The following MTHFD1L variants were observed in gnomAD, a reference collection of about 807,000 sequenced individuals.
MTHFD1L encodes monofunctional C1-tetrahydrofolate synthase, mitochondrial.
MTHFD1L carries 81 observed loss-of-function variants against 119.5 expected under a neutral mutation model. The ratio of observed to expected loss-of-function variants is 0.68; its 90% CI spans 0.57 to 0.82. The LOEUF is 0.82. MTHFD1L is among the 40% of genes least tolerant of loss of function. The pLI is 0.00. For missense variants in MTHFD1L, 1,125 were observed against 1,253.4 expected, an observed-to-expected ratio of 0.90 and a Z score of 1.55; for synonymous variants, 430 against 475.2, an observed-to-expected ratio of 0.90 and a Z score of 1.24.
intron 26 of MTHFD1L, among the ~76,000 whole-genome samples, chr6:151,062,244 A>C (rs1434334633): frequency 6.6e-6 from 1 of 152,134 alleles, no homozygotes; most frequent in Non-Finnish European, 1.5e-5. Flanking sequence ...AGACCATTCT[A>C]GCTAATACGA....
intron 24 of MTHFD1L, among the ~76,000 whole-genome samples, chr6:151,024,319 C>T (rs1043361853): frequency 6.6e-6 from 1 of 152,064 alleles, no homozygotes; most frequent in Non-Finnish European, 1.5e-5. Context: ...GTAGGAGGAT[C>T]GCTAGAATCG....
rs544266118 is a variant in MTHFD1L at position 151,030,785 on chromosome 6, G to A, written c.2587-3708G>A. ...TAGGGAGGGCCTTGTATATATTCCA[G>A]GGGCTGTATCCTATCTTGCCTCTAG... is the stretch of plus-strand genomic sequence containing the variant. On this transcript the variant is annotated intron_variant, in intron 24 of 27. Transcript: ENST00000367321. 2.2e-3 allele frequency among the ~76,000 whole-genome samples: 331 copies of A among 152,310 alleles called. 2 individuals carry two copies. The highest frequency in any genetic ancestry group is 6.9e-3 in the African/African-American group (285 of 41,568).
At chr6:150,944,419 G>T in intron 13 of MTHFD1L, 67 bp from the exon 14 acceptor site, 1 of 1,226,384 alleles carries the variant, frequency 8.2e-7, no homozygotes, top group Non-Finnish European at 1.2e-6. Context: ...CTGCACTCCA[G>T]CCTGGGCAAC....
At position 151,034,479 on chromosome 6, in the gene MTHFD1L, T is replaced by G. The variant is rs1785829896; in HGVS notation, c.2587-14T>G. The G allele has an allele frequency of 6.5e-7, 1 of 1,529,474 alleles. No homozygotes were observed. Among genetic ancestry groups the G allele is most frequent in the Non-Finnish European group, 9.0e-7 (1 of 1,106,696 alleles). 94.7% of individuals were successfully genotyped at this position (1,529,474 alleles called of 1,614,324 possible). A position where few individuals can be genotyped will look rare whatever the true frequency, so the allele number is the denominator to read the frequency against. On this transcript the variant is annotated splice_polypyrimidine_tract_variant and intron_variant, in intron 24 of 27. Transcript: ENST00000367321. ...TAAACTTATACAATTTTGTTATAAT[T>G]TGTGTTTCTCCAGGTTCCAATTGTG...
intron 14 of MTHFD1L, among the ~76,000 whole-genome samples, chr6:150,945,004 C>A (rs943547881): frequency 6.6e-6 from 1 of 152,122 alleles, no homozygotes; most frequent in African/African-American, 2.4e-5. Flanking sequence ...TGTCAGAGAC[C>A]CTTATTGGGC....
intron 20 of MTHFD1L, among the ~76,000 whole-genome samples, chr6:150,998,214 G>A (rs1780097638): frequency 6.6e-6 from 1 of 151,954 alleles, no homozygotes; most frequent in Admixed American, 6.6e-5. Flanking sequence ...AAACTACTGG[G>A]ACTCTATCTT....
At chr6:151,076,683 A>G (rs1481958743) in intron 26 of MTHFD1L, among the ~76,000 whole-genome samples, 1 of 151,884 alleles carries the variant, frequency 6.6e-6, no homozygotes, top group Admixed American at 6.6e-5. Context: ...ACCATACCAA[A>G]TGTTGGCAAG....
At position 151,084,664 on chromosome 6, in the gene MTHFD1L, A is replaced by G. The variant is rs933643611; in HGVS notation, c.2848-7803A>G. 2.6e-5 allele frequency among the ~76,000 whole-genome samples: 4 copies of G among 152,134 alleles called. No homozygotes were observed. The South Asian group carries it at 6.2e-4, about 24-fold the overall frequency. On this transcript the variant is annotated intron_variant, in intron 26 of 27. Transcript: ENST00000367321. ...AACTATTCAATTTCTGTATATAACT[A>G]TAGAAATATATATTAGACGGGCCGG...
chr6:151,037,151 A>T, intron 26 of MTHFD1L, 34 bp downstream of exon 26: 1 of 1,610,174 alleles, frequency 6.2e-7, no homozygotes, highest in Non-Finnish European at 8.5e-7. Flanking sequence ...AACCCTCCCC[A>T]TTCTGCATTG....
At chr6:150,918,486 C>T in intron 8 of MTHFD1L, 91 bp from the exon 9 acceptor site, 1 of 908,666 alleles carries the variant, frequency 1.1e-6, no homozygotes, top group East Asian at 2.4e-5. Context: ...AAAATGAGAC[C>T]ACTATTCAGT....
chr6:150,895,243 G>A (rs1221928365), intron 7 of MTHFD1L, among the ~76,000 whole-genome samples: 3 of 152,166 alleles, frequency 2.0e-5, no homozygotes, highest in Non-Finnish European at 2.9e-5. Context: ...TCACTCTGAT[G>A]CCAAAACCAG....
In MTHFD1L at chr6:150,866,528, GCGCCGCCCGCGC is replaced by G. The variant is rs1377787549; in HGVS notation, c.227+480_227+491del. The G allele has an allele frequency of 1.8e-4, 226 of 1,275,054 alleles. 1 individual carries two copies. The highest frequency in any genetic ancestry group is 1.5e-3 in the South Asian group (59 of 38,458). The allele number at this position is 1,275,054 out of a possible 1,614,324, so 79.0% of individuals were successfully genotyped here. On this transcript the variant is annotated intron_variant, in intron 1 of 27. Transcript: ENST00000367321. Reference sequence around the variant, plus strand: ...CTCGGGAGAGGCGGGCTCGGGCCCAGCGCCGCCCGCGCGAAGCTCCCTGGTGTTGTGCGCCCT... The same window carrying G: ...CTCGGGAGAGGCGGGCTCGGGCCCAGGAAGCTCCCTGGTGTTGTGCGCCCT...
At chr6:151,021,180 A>G (rs1370053958) in intron 24 of MTHFD1L, among the ~76,000 whole-genome samples, 1 of 152,224 alleles carries the variant, frequency 6.6e-6, no homozygotes, top group Non-Finnish European at 1.5e-5. Context: ...GGTGTCTGAC[A>G]GTGACACCAA....
intron 27 of MTHFD1L, among the ~76,000 whole-genome samples, chr6:151,095,460 G>C (rs946662552): frequency 1.3e-5 from 2 of 152,180 alleles, no homozygotes; most frequent in Admixed American, 1.3e-4. Context: ...CTTTTGGTGA[G>C]TTTTCACATG....
At chr6:150,922,170 A>C in intron 9 of MTHFD1L, 35 bp from the exon 10 acceptor site, 1 of 1,517,458 alleles carries the variant, frequency 6.6e-7, no homozygotes, top group African/African-American at 1.4e-5. Context: ...AGCTTTTACC[A>C]TTCTAACATG....
chr6:150,969,828 A>G (rs1254849648), intron 19 of MTHFD1L, among the ~76,000 whole-genome samples: 2 of 152,194 alleles, frequency 1.3e-5, no homozygotes, highest in Non-Finnish European at 2.9e-5. Flanking sequence ...TGAAGATACC[A>G]TCTTCAGGAT....
rs7750652 is a variant in MTHFD1L at position 151,005,502 on chromosome 6, C to T, written c.2126-4317C>T. Among the ~76,000 whole-genome samples the T allele has an allele frequency of 1.4e-3, 212 of 152,292 alleles. 1 individual carries two copies. Among genetic ancestry groups the T allele is most frequent in the African/African-American group, 4.9e-3 (203 of 41,538 alleles). On this transcript the variant is annotated intron_variant, in intron 20 of 27. Transcript: ENST00000367321. ...CTTTGCATTTGGAAGCCAAACTCCT[C>T]GAACCTTTACTTCTGCATGTTGTTT...
intron 26 of MTHFD1L, among the ~76,000 whole-genome samples, chr6:151,050,958 C>T (rs373734994): frequency 1.3e-5 from 2 of 152,228 alleles, no homozygotes; most frequent in East Asian, 3.9e-4. Flanking sequence ...AACCCAGAAA[C>T]TCATCAAGTC....
At chr6:150,953,952 C>CTTTT (rs538420003) in intron 16 of MTHFD1L, among the ~76,000 whole-genome samples, 181 of 152,098 alleles carry the variant, frequency 1.2e-3, no homozygotes, top group African/African-American at 4.1e-3. Context: ...ATATGCTCTG[C>CTTTT]TTATAGCTGA....
Sources: allele counts gnomAD v4.1 joint callset (sites outside exome capture counted in the v4.1 genomes callset), GRCh38; gene constraint gnomAD v4.1.1; transcripts MANE v1.5; gene names NCBI Gene and HGNC (gene_info 2026-07-23, HGNC 2026-07-21).